SEMA6D: variants seen among roughly 807,000 people sequenced by gnomAD.
The protein encoded by SEMA6D is semaphorin 6D.
In SEMA6D, 35 loss-of-function variants were observed where a neutral mutation model predicts 106.6. That is an observed-to-expected ratio of 0.33 (90% confidence interval 0.25 to 0.44). The LOEUF is 0.44. Among genes scored for constraint, SEMA6D ranks in the 20% least tolerant of loss-of-function variants. The pLI, the probability that SEMA6D is intolerant of heterozygous loss-of-function variation, is 1.00. For missense variants in SEMA6D, 1,185 were observed against 1,345.9 expected (o/e 0.88, Z 1.87); for synonymous variants, 499 against 487.7 (o/e 1.02, Z -0.31).
At chr15:47,641,310 T>C (rs917750379) in intron 4 of SEMA6D, among the ~76,000 whole-genome samples, 1 of 152,212 alleles carries the variant, frequency 6.6e-6, no homozygotes, top group African/African-American at 2.4e-5. Context: ...GCTGAGAAAG[T>C]GCGAGAACTG....
intron 7 of SEMA6D, 80 bp downstream of exon 7, chr15:47,761,831 T>C (rs919416756): frequency 1.6e-6 from 2 of 1,221,046 alleles, no homozygotes; most frequent in African/African-American, 3.0e-5. Context: ...GAGTAAAAGT[T>C]AATAACTTGG....
chr15:47,480,587 C>T (rs2043128013), intron 3 of SEMA6D, among the ~76,000 whole-genome samples: 1 of 152,088 alleles, frequency 6.6e-6, no homozygotes, highest in African/African-American at 2.4e-5. Context: ...AAAATTCTGC[C>T]TTTATTTCAA....
chr15:47,564,790 C>T (rs570139058), intron 3 of SEMA6D, among the ~76,000 whole-genome samples: 7 of 152,112 alleles, frequency 4.6e-5, no homozygotes, highest in Non-Finnish European at 1.0e-4. Flanking sequence ...CCCATGACCC[C>T]GCCCTACCCC....
At chr15:47,383,784 C>T (rs1277699833) in intron 1 of SEMA6D, among the ~76,000 whole-genome samples, 1 of 152,170 alleles carries the variant, frequency 6.6e-6, no homozygotes, top group East Asian at 1.9e-4. Flanking sequence ...AGGAATAAGA[C>T]TGGCACTCAG....
chr15:47,363,544 AAAAAC>A (rs1331368166), intron 1 of SEMA6D, among the ~76,000 whole-genome samples: 2 of 152,182 alleles, frequency 1.3e-5, no homozygotes, highest in African/African-American at 4.8e-5. Flanking sequence ...CAACTCCCAG[AAAAAC>A]AAAACAAAAC....
At chr15:47,400,748 C>T (rs938864915) in intron 1 of SEMA6D, among the ~76,000 whole-genome samples, 2 of 152,156 alleles carry the variant, frequency 1.3e-5, no homozygotes, top group African/African-American at 4.8e-5. Flanking sequence ...ATTTAGATGG[C>T]CTGTGGCCTA....
intron 4 of SEMA6D, among the ~76,000 whole-genome samples, chr15:47,609,773 C>A (rs573088658): frequency 6.6e-6 from 1 of 152,180 alleles, no homozygotes; most frequent in Non-Finnish European, 1.5e-5. Context: ...TCCTCCCAGG[C>A]ACTCCCAGGT....
intron 1 of SEMA6D, among the ~76,000 whole-genome samples, chr15:47,256,669 A>G (rs867338528): frequency 6.6e-6 from 1 of 151,724 alleles, no homozygotes; most frequent in African/African-American, 2.4e-5. Flanking sequence ...GACCAGCCTG[A>G]CCAACATGGT....
intron 1 of SEMA6D, among the ~76,000 whole-genome samples, chr15:47,257,150 C>T (rs1017616916): frequency 1.2e-4 from 18 of 151,604 alleles, no homozygotes; most frequent in African/African-American, 3.6e-4. Context: ...CTCTGCCTCC[C>T]GGGTTCATGC....
chr15:47,607,587 G>A (rs185508662), intron 4 of SEMA6D, among the ~76,000 whole-genome samples: 1 of 152,342 alleles, frequency 6.6e-6, no homozygotes, highest in East Asian at 1.9e-4. Flanking sequence ...TTATTGGCTT[G>A]AAGGGAAAAG....
chr15:47,508,435 AGGATGGCCCCATGGAGTGGC>A (rs2044121647), intron 3 of SEMA6D, among the ~76,000 whole-genome samples: 1 of 152,198 alleles, frequency 6.6e-6, no homozygotes, highest in South Asian at 2.1e-4. Flanking sequence ...GCACTCCAAG[AGGATGGCCCCATGGAGTGGC>A]GGATTTTTCT....
chr15:47,690,675 A>C (rs565976588), intron 4 of SEMA6D, among the ~76,000 whole-genome samples: 2 of 152,282 alleles, frequency 1.3e-5, no homozygotes, highest in South Asian at 4.1e-4. Flanking sequence ...AGTGTCAAAA[A>C]TTTATGCAGA....
At chr15:47,257,456 A>C (rs192034817) in intron 1 of SEMA6D, among the ~76,000 whole-genome samples, 1 of 152,248 alleles carries the variant, frequency 6.6e-6, no homozygotes, top group Non-Finnish European at 1.5e-5. Context: ...CCCTCTCAGC[A>C]CTGCTTAAGA....
At chr15:47,472,811 C>T (rs2042890351) in intron 3 of SEMA6D, among the ~76,000 whole-genome samples, 1 of 152,170 alleles carries the variant, frequency 6.6e-6, no homozygotes, top group Non-Finnish European at 1.5e-5. Flanking sequence ...ATTTTTGGAA[C>T]TGGATTCTGA....
At chr15:47,583,978 T>C (rs768984588) in intron 3 of SEMA6D, among the ~76,000 whole-genome samples, 4 of 152,118 alleles carry the variant, frequency 2.6e-5, no homozygotes, top group Non-Finnish European at 5.9e-5. Flanking sequence ...TGCAACCAGC[T>C]CACAGCACGG....
chr15:47,549,537 AATC>A (rs1472474500), intron 3 of SEMA6D, among the ~76,000 whole-genome samples: 4 of 152,162 alleles, frequency 2.6e-5, no homozygotes, highest in Non-Finnish European at 5.9e-5. Flanking sequence ...TATTGGGAGA[AATC>A]ACTTAATACC....
chr15:47,674,637 C>G (rs979859274), intron 4 of SEMA6D, among the ~76,000 whole-genome samples: 14 of 152,126 alleles, frequency 9.2e-5, no homozygotes, highest in African/African-American at 3.4e-4. Flanking sequence ...CTCATTAGAC[C>G]TTGCCTTTTA....
chr15:47,766,623 G>A lies in SEMA6D; in HGVS notation c.1654G>A (p.Gly552Arg), dbSNP rs1430406322. ...GRVTPGMLAE[G>R]YEQDTEFGNT... ...TGCTTTCCATAACCACAGTGCTGAA[G>A]GATATGAACAAGACACAGAATTCGG... The change falls in exon 16 of 19, where the codon GGA becomes AGA. Residue 552 changes from glycine to arginine, a missense_variant. This residue lies in a region of SEMA6D where 750 missense variants were observed against 783.5 expected (regional missense o/e 0.96). Coordinates refer to ENST00000536845, the MANE Select transcript of SEMA6D (RefSeq NM_001358351.3). 3 of 1,612,810 alleles carry A rather than the reference G, an allele frequency of 1.9e-6. No individual in the cohort carries two copies. Among genetic ancestry groups the A allele is most frequent in the Admixed American group, 1.7e-5 (1 of 59,966 alleles).
chr15:47,587,455 A>T (rs573219023), intron 3 of SEMA6D, among the ~76,000 whole-genome samples: 1 of 152,334 alleles, frequency 6.6e-6, no homozygotes, highest in South Asian at 2.1e-4. Context: ...ATCTTCTACA[A>T]CTGTGAGTCT....
Sources: gnomAD v4.1 joint callset for allele counts (sites outside exome capture counted in the v4.1 genomes callset) on GRCh38, gnomAD v4.1.1 for gene constraint, gnomAD v4.1.1 regional missense constraint, MANE v1.5 for transcripts, NCBI Gene and HGNC (gene_info 2026-07-23, HGNC 2026-07-21) for gene names.